The following ATXN7 variants were observed in gnomAD, a reference collection of about 807,000 sequenced individuals.
ATXN7 encodes the protein ataxin-7.
ATXN7 carries 12 observed loss-of-function variants against 70.5 expected under a neutral mutation model. The observed-to-expected ratio is 0.17, with a 90% confidence interval of 0.11 to 0.28. ATXN7 has a LOEUF of 0.28. Ranked by LOEUF, ATXN7 falls within the 10% of genes least tolerant of loss-of-function variation. The pLI is 1.00. For synonymous variants in ATXN7, 498 were observed against 448.7 expected (o/e 1.11, Z -1.39); for missense variants, 1,256 against 1,131.7 (o/e 1.11, Z -1.58).
At position 64,000,331 on chromosome 3, in the gene ATXN7, T is replaced by A. The variant is rs1232114409; in HGVS notation, c.*864T>A. ...TAAAATCACTATAGGGAGAAAAAAC[T>A]TTTTTCAAGATTTCCAAAGAGATGA... On this transcript the variant is annotated 3_prime_UTR_variant, in exon 13 of 13. Transcript: ENST00000674280. 1.3e-5 allele frequency: 2 copies of A among 152,216 alleles called. No individual in the cohort carries two copies. The highest frequency in any genetic ancestry group is 4.8e-5 in the African/African-American group (2 of 41,252). 9.4% of individuals were successfully genotyped at this position (152,216 alleles called of 1,614,324 possible).
intron 5 of ATXN7, among the ~76,000 whole-genome samples, chr3:63,963,547 C>A (rs548430812): frequency 3.3e-5 from 5 of 152,290 alleles, no homozygotes; most frequent in East Asian, 3.9e-4. Flanking sequence ...TCTATCCAGG[C>A]ACATAGAATC....
intron 3 of ATXN7, 110 bp downstream of exon 3, chr3:63,913,033 C>G: frequency 7.8e-7 from 1 of 1,282,630 alleles, no homozygotes; most frequent in South Asian, 1.2e-5. Context: ...GGCAGAGATG[C>G]TATCGTTTGC....
chr3:63,928,036 G>T (rs1367153748), intron 4 of ATXN7, among the ~76,000 whole-genome samples: 1 of 152,182 alleles, frequency 6.6e-6, no homozygotes, highest in Non-Finnish European at 1.5e-5. Flanking sequence ...TTACGCTAGG[G>T]TAACAAATAC....
chr3:63,912,681 C>A lies in ATXN7; in HGVS notation c.83C>A (p.Ala28Asp). 1.0e-6 allele frequency: 1 copy of A among 995,698 alleles called. No homozygotes were observed. The highest frequency in any genetic ancestry group is 1.2e-6 in the Non-Finnish European group (1 of 820,562). The allele number at this position is 995,698 out of a possible 1,614,324, so 61.7% of individuals were successfully genotyped here. A position where few individuals can be genotyped will look rare whatever the true frequency, so the allele number is the denominator to read the frequency against. The part of the protein sequence containing the change: ...AAAGGAAAAA[A>D]RQQQQQQQQQ... ...GCGGGCGGAGCAGCGGCCGCGGCCG[C>A]CCGGCAGCAGCAGCAGCAGCAGCAG... The change falls in exon 3 of 13, where the codon GCC becomes GAC. Residue 28 changes from alanine to aspartate, a missense_variant. Physicochemically the swap from Ala to Asp is moderately radical, Grantham distance 126 (BLOSUM62 -2). Transcript: ENST00000674280.
intron 5 of ATXN7, among the ~76,000 whole-genome samples, chr3:63,976,388 GC>G (rs779644354): frequency 6.6e-6 from 1 of 152,142 alleles, no homozygotes; most frequent in Non-Finnish European, 1.5e-5. Flanking sequence ...GCACTTTTCA[GC>G]CAGAATCTCA....
intron 4 of ATXN7, among the ~76,000 whole-genome samples, chr3:63,928,148 A>G (rs954028971): frequency 2.0e-5 from 3 of 152,210 alleles, no homozygotes; most frequent in Admixed American, 6.5e-5. Flanking sequence ...AAAAATAGCT[A>G]CTGAAGGCTG....
intron 1 of ATXN7, among the ~76,000 whole-genome samples, chr3:63,884,273 T>C (rs1236132516): frequency 6.6e-6 from 1 of 151,188 alleles, no homozygotes; most frequent in African/African-American, 2.4e-5. Flanking sequence ...TCATTCACTC[T>C]CTCTCTCTCC....
intron 5 of ATXN7, among the ~76,000 whole-genome samples, chr3:63,978,282 C>T (rs1575978713): frequency 6.6e-6 from 1 of 152,134 alleles, no homozygotes; most frequent in African/African-American, 2.4e-5. Context: ...TGGTCTAGGG[C>T]CTTCCAAAAT....
chr3:63,914,816 T>C (rs1704195268), intron 4 of ATXN7, among the ~76,000 whole-genome samples: 1 of 152,220 alleles, frequency 6.6e-6, no homozygotes, highest in East Asian at 1.9e-4. Flanking sequence ...TTGCTAGATA[T>C]ATTATTTTCT....
intron 12 of ATXN7, 100 bp from the exon 13 acceptor site, chr3:63,999,350 C>A: frequency 1.0e-6 from 1 of 973,394 alleles, no homozygotes; most frequent in Non-Finnish European, 1.6e-6. Flanking sequence ...ACTTTAGTAG[C>A]GTGCAGCCTT....
intron 2 of ATXN7, among the ~76,000 whole-genome samples, chr3:63,903,520 A>G (rs1279978241): frequency 2.6e-5 from 4 of 152,098 alleles, no homozygotes; most frequent in Non-Finnish European, 5.9e-5. Flanking sequence ...TTTTATTTGT[A>G]AAAACAAACA....
intron 4 of ATXN7, among the ~76,000 whole-genome samples, chr3:63,949,678 A>G (rs957827353): frequency 2.6e-5 from 4 of 152,156 alleles, no homozygotes; most frequent in Admixed American, 2.0e-4. Flanking sequence ...AATTACAGGC[A>G]TGAGCCACCG....
At chr3:63,956,193 T>C (rs910085868) in intron 5 of ATXN7, among the ~76,000 whole-genome samples, 13 of 152,250 alleles carry the variant, frequency 8.5e-5, no homozygotes, top group African/African-American at 3.1e-4. Context: ...TGTTTTAAAA[T>C]ACTCCAGTGT....
At chr3:63,978,897 A>T (rs535992774) in intron 5 of ATXN7, among the ~76,000 whole-genome samples, 2 of 152,364 alleles carry the variant, frequency 1.3e-5, no homozygotes, top group South Asian at 4.1e-4. Flanking sequence ...GTCATTGATC[A>T]TCATGTGCTT....
At chr3:63,986,449 G>A (rs957439084) in intron 8 of ATXN7, among the ~76,000 whole-genome samples, 1 of 152,144 alleles carries the variant, frequency 6.6e-6, no homozygotes, top group Non-Finnish European at 1.5e-5. Context: ...TAGGCACCGG[G>A]AACATTCAAG....
rs1553691654 is a variant in ATXN7, at chr3:63,962,908, C to CTA, written c.499+10426_499+10427insAT. Among the ~76,000 whole-genome samples, 1,027 of 136,328 alleles carry CTA rather than the reference C, an allele frequency of 7.5e-3. 17 individuals are homozygous for CTA. The highest frequency in any genetic ancestry group is 0.023 in the African/African-American group (853 of 37,368). The allele number at this position is 136,328 out of a possible 152,430, so 89.4% of individuals were successfully genotyped here. A position where few individuals can be genotyped will look rare whatever the true frequency, so the allele number is the denominator to read the frequency against. On this transcript the variant is annotated intron_variant, in intron 5 of 12. Transcript: ENST00000674280. ...GATGTAATACCAGAATTTTGTATTT[C>CTA]TTTTTTTTTTTTTTTTTTCTTCTTC...
At chr3:63,980,530 C>T in intron 6 of ATXN7, 1 of 217,280 alleles carries the variant, frequency 4.6e-6, no homozygotes, top group East Asian at 1.0e-4. Flanking sequence ...GGAGTTTTGT[C>T]CAAAAAGGCC....
intron 1 of ATXN7, among the ~76,000 whole-genome samples, chr3:63,898,141 C>T (rs543502356): frequency 3.3e-5 from 5 of 151,850 alleles, no homozygotes; most frequent in South Asian, 4.2e-4. Context: ...GATTTTAAGC[C>T]CCAGGAGGCT....
At position 63,980,152 on chromosome 3, in the gene ATXN7, T is replaced by C. The variant is rs778992304; in HGVS notation, c.737T>C (p.Val246Ala). The change falls in exon 6 of 13, where the codon GTT becomes GCT. Residue 246 changes from valine to alanine, a missense_variant. Val to Ala is a moderately conservative substitution (Grantham distance 64). Transcript: ENST00000674280. ...RPMHPIQQSR[V>A]PHGRIMTPSV... ...ATGCATCCCATTCAGCAAAGTAGAG[T>C]TCCCCATGGTAGAATGTGAGTATGG... 2.5e-6 allele frequency: 4 copies of C among 1,613,970 alleles called. No homozygotes were observed. The East Asian group carries it at 6.7e-5, about 27-fold the overall frequency.
Sources: gnomAD v4.1 joint callset for allele counts (sites outside exome capture counted in the v4.1 genomes callset) on GRCh38, gnomAD v4.1.1 for gene constraint, MANE v1.5 for transcripts, NCBI Gene and HGNC (gene_info 2026-07-23, HGNC 2026-07-21) for gene names.